The following IGF1R variants were observed in gnomAD, a reference collection of about 807,000 sequenced individuals.
IGF1R encodes the protein insulin like growth factor 1 receptor.
IGF1R carries 44 observed loss-of-function variants against 144.6 expected under a neutral mutation model. That is an observed-to-expected ratio of 0.30 (90% CI 0.24 to 0.39). The LOEUF (loss-of-function observed/expected upper bound fraction) is 0.39, where lower values mean the gene tolerates loss of function less well. Ranked by LOEUF, IGF1R falls within the 10% of genes least tolerant of loss-of-function variation. The pLI, the probability that IGF1R is intolerant of heterozygous loss-of-function variation, is 1.00. For synonymous variants in IGF1R, 795 were observed against 722.8 expected, an observed-to-expected ratio of 1.10 and a Z score of -1.60; for missense variants, 1,355 against 1,833.7, an observed-to-expected ratio of 0.74 and a Z score of 4.77.
rs927009950 is a variant in IGF1R at position 98,916,770 on chromosome 15, T to C, written c.2095T>C (p.Cys699Arg). Residue 699 changes from cysteine to arginine, a missense_variant, in exon 10 of 21, where the codon TGC becomes CGC. By Grantham distance (180) the Cys-to-Arg change is radical (BLOSUM62 -3). Transcript: ENST00000650285. ...GGTGTGTGGTGGGGAGAAAGGGCCT[T>C]GCTGCGCCTGCCCCAAAACTGAAGC... Reference protein sequence around the residue: ...TEVCGGEKGPCCACPKTEAEK... With the variant: ...TEVCGGEKGPRCACPKTEAEK... 2 of 1,613,814 alleles carry C rather than the reference T, an allele frequency of 1.2e-6. No homozygotes were observed. Among genetic ancestry groups the C allele is most frequent in the Non-Finnish European group, 1.7e-6 (2 of 1,179,958 alleles).
chr15:98,902,983 G>A (rs545023817), intron 5 of IGF1R, among the ~76,000 whole-genome samples: 2 of 152,210 alleles, frequency 1.3e-5, no homozygotes, highest in South Asian at 2.1e-4. Context: ...CTTTTATATC[G>A]CACTCGGCGT....
Position 98,656,217 on chromosome 15 carries a change from T to G in IGF1R, c.94+6542T>G, listed in dbSNP as rs1596146214. 1.3e-5 allele frequency among the ~76,000 whole-genome samples: 2 copies of G among 152,310 alleles called. 1 individual carries two copies. Among genetic ancestry groups the G allele is most frequent in the Middle Eastern group, 6.8e-3 (2 of 294 alleles). On this transcript the variant is annotated intron_variant, in intron 1 of 20. Coordinates refer to ENST00000650285, the MANE Select transcript of IGF1R (RefSeq NM_000875.5). ...TGGGGAAGATGTGCACACCTGTGGA[T>G]GGGGCCATCACACACTGCAGCGATA...
chr15:98,881,850 T>G (rs1280232224), intron 2 of IGF1R, among the ~76,000 whole-genome samples: 2 of 152,200 alleles, frequency 1.3e-5, no homozygotes, highest in African/African-American at 4.8e-5. Context: ...GAAATATATG[T>G]GAGATGCTTA....
At chr15:98,803,415 G>GGTGAGTCA (rs1161628968) in intron 2 of IGF1R, among the ~76,000 whole-genome samples, 3 of 152,122 alleles carry the variant, frequency 2.0e-5, no homozygotes, top group Non-Finnish European at 4.4e-5. Context: ...AGTTGCTCTG[G>GGTGAGTCA]GTGAGTCAGT....
At chr15:98,657,842 A>G (rs978794693) in intron 1 of IGF1R, among the ~76,000 whole-genome samples, 4 of 152,154 alleles carry the variant, frequency 2.6e-5, no homozygotes, top group African/African-American at 9.7e-5. Flanking sequence ...GGGGAGACTC[A>G]TTAATTGAAT....
chr15:98,939,076 G>T lies in IGF1R; in HGVS notation c.3298-125G>T, dbSNP rs1005473275. The stretch of plus-strand genomic sequence containing the variant: ...GTTTGTTCCTTCCGAGCAAGTCCTG[G>T]TTTCTTAGCATAAACAACCCACGGT... On this transcript the variant is annotated intron_variant, in intron 17 of 20. Transcript: ENST00000650285. 1.0e-5 allele frequency: 8 copies of T among 770,700 alleles called. No individual in the cohort carries two copies. The Admixed American group carries it at 1.6e-4, about 16-fold the overall frequency. The allele number at this position is 770,700 out of a possible 1,614,324, so 47.7% of individuals were successfully genotyped here. A position where few individuals can be genotyped will look rare whatever the true frequency, so the allele number is the denominator to read the frequency against.
intron 5 of IGF1R, chr15:98,900,483 A>G (rs1031484735): frequency 1.3e-5 from 2 of 152,250 alleles, no homozygotes; most frequent in South Asian, 2.1e-4. Context: ...ATCTGCCCCA[A>G]CTGGATAAAG....
chr15:98,733,747 C>T (rs749202882), intron 2 of IGF1R, among the ~76,000 whole-genome samples: 76 of 152,294 alleles, frequency 5.0e-4, no homozygotes, highest in South Asian at 1.0e-3. Context: ...GGACTGTTTG[C>T]AAGCTACTTC....
chr15:98,806,661 T>G (rs1202278766), intron 2 of IGF1R, among the ~76,000 whole-genome samples: 1 of 152,040 alleles, frequency 6.6e-6, no homozygotes, highest in Non-Finnish European at 1.5e-5. Flanking sequence ...CAGGGAGAGA[T>G]CCCTTTTTCC....
intron 2 of IGF1R, among the ~76,000 whole-genome samples, chr15:98,776,166 A>G (rs1413597756): frequency 6.6e-6 from 1 of 151,110 alleles, no homozygotes; most frequent in Non-Finnish European, 1.5e-5. Context: ...ATTTTAATTT[A>G]ATTATTTTTT....
chr15:98,713,775 A>G (rs966385552), intron 2 of IGF1R, among the ~76,000 whole-genome samples: 1 of 151,836 alleles, frequency 6.6e-6, no homozygotes, highest in Non-Finnish European at 1.5e-5. Flanking sequence ...ACTTTCCCAC[A>G]AAAAAAACCC....
chr15:98,672,953 C>G (rs1309469088), intron 1 of IGF1R, among the ~76,000 whole-genome samples: 2 of 152,142 alleles, frequency 1.3e-5, no homozygotes, highest in Non-Finnish European at 1.5e-5. Context: ...TTTGGAGACA[C>G]TAGCCTGCAT....
intron 2 of IGF1R, among the ~76,000 whole-genome samples, chr15:98,831,444 C>G (rs2057000170): frequency 6.6e-6 from 1 of 152,208 alleles, no homozygotes; most frequent in Non-Finnish European, 1.5e-5. Flanking sequence ...ACATCTTCAC[C>G]CTCTTGCCCT....
At chr15:98,761,457 A>G (rs898100131) in intron 2 of IGF1R, among the ~76,000 whole-genome samples, 1 of 152,306 alleles carries the variant, frequency 6.6e-6, no homozygotes, top group African/African-American at 2.4e-5. Flanking sequence ...GACTTCATGG[A>G]CCAGTCACAG....
At chr15:98,783,174 T>C (rs1161298483) in intron 2 of IGF1R, among the ~76,000 whole-genome samples, 6 of 152,182 alleles carry the variant, frequency 3.9e-5, no homozygotes, top group Admixed American at 3.9e-4. Flanking sequence ...CAAGAAATAA[T>C]AAAGAGTAAT....
At chr15:98,808,682 T>TTTTC (rs2056518962) in intron 2 of IGF1R, among the ~76,000 whole-genome samples, 2 of 151,096 alleles carry the variant, frequency 1.3e-5, no homozygotes, top group Middle Eastern at 3.4e-3. Context: ...AAGATTTTTT[T>TTTTC]TTTTTTCTTT....
chr15:98,916,600 A>G (rs759950743), intron 9 of IGF1R, 72 bp from the exon 10 acceptor site: 18 of 1,285,274 alleles, frequency 1.4e-5, no homozygotes, highest in Non-Finnish European at 1.8e-5. Context: ...ACTGAGAGCT[A>G]TTATTTTTCC....
intron 2 of IGF1R, among the ~76,000 whole-genome samples, chr15:98,752,772 A>C (rs1322596348): frequency 6.6e-6 from 1 of 152,176 alleles, no homozygotes; most frequent in Non-Finnish European, 1.5e-5. Flanking sequence ...GATGTGTATA[A>C]TATTAAATTG....
At chr15:98,820,180 G>A (rs1567145102) in intron 2 of IGF1R, among the ~76,000 whole-genome samples, 1 of 147,020 alleles carries the variant, frequency 6.8e-6, no homozygotes, top group Non-Finnish European at 1.5e-5. Flanking sequence ...TGATGGCCTT[G>A]TGGAATTGCT....
Sources: gnomAD v4.1 joint callset for allele counts (sites outside exome capture counted in the v4.1 genomes callset) on GRCh38, gnomAD v4.1.1 for gene constraint, MANE v1.5 for transcripts, NCBI Gene and HGNC (gene_info 2026-07-23, HGNC 2026-07-21) for gene names.